The following SIRPD variants were observed in gnomAD, a reference collection of about 807,000 sequenced individuals.
The protein encoded by SIRPD is signal-regulatory protein delta.
SIRPD carries 21 observed loss-of-function variants against 18.0 expected under a neutral mutation model. That is an observed-to-expected ratio of 1.17 (90% CI 0.83 to 1.68). The LOEUF is 1.68. Ranked by LOEUF, SIRPD falls within the 40% of genes most tolerant of loss-of-function variation. SIRPD has a pLI of 0.00. For missense variants in SIRPD, 295 were observed against 238.4 expected (o/e 1.24, Z -1.56); for synonymous variants, 106 against 92.9 (o/e 1.14, Z -0.81).
In SIRPD at chr20:1,551,874, G is replaced by A. The variant is rs771549698; in HGVS notation, c.238C>T (p.Gln80Ter). 1.2e-6 allele frequency: 2 copies of A among 1,613,962 alleles called. No homozygotes were observed. The highest frequency in any genetic ancestry group is 1.3e-5 in the African/African-American group (1 of 74,892). The change falls in exon 2 of 4, where the codon CAA becomes TAA. Residue 80 changes from glutamine (Q) to a stop codon, truncating the protein, a stop_gained. Coordinates refer to ENST00000381623, the MANE Select transcript of SIRPD (RefSeq NM_178460.3). LOFTEE classifies it high-confidence loss of function. ...TCTTTTACTCTGGGAAAGTTACCTT[G>A]TTTGAAATTGTAGATTAATTTCCGG... Reference protein sequence around the residue: ...PNRKLIYNFKQGNFPRVKEIG... With the variant: ...PNRKLIYNFK
At chr20:1,550,584 T>A (rs1200328361) in intron 2 of SIRPD, among the ~76,000 whole-genome samples, 1 of 152,206 alleles carries the variant, frequency 6.6e-6, no homozygotes, top group Non-Finnish European at 1.5e-5. Flanking sequence ...CTGCCTTGAA[T>A]ACTGTGAGGA....
chr20:1,556,448 A>G (rs1234958278), intron 1 of SIRPD, among the ~76,000 whole-genome samples: 1 of 152,214 alleles, frequency 6.6e-6, no homozygotes, highest in Admixed American at 6.5e-5. Flanking sequence ...GAATATATCT[A>G]AGTTATTAAA....
chr20:1,537,343 A>G lies in SIRPD; in HGVS notation c.422-33T>C. The stretch of plus-strand genomic sequence containing the variant: ...GAGAGGCAAAACTATGTGTTCCATG[A>G]TATAAGAGGAAGTTACTATGATGGG... On this transcript the variant is annotated intron_variant, in intron 2 of 3. Coordinates refer to ENST00000381623, the MANE Select transcript of SIRPD (RefSeq NM_178460.3). 5 of 1,597,542 alleles carry G rather than the reference A, an allele frequency of 3.1e-6. No homozygotes were observed. The South Asian group carries it at 4.4e-5, about 14-fold the overall frequency.
At chr20:1,539,276 A>G (rs1271859514) in intron 2 of SIRPD, among the ~76,000 whole-genome samples, 1 of 152,204 alleles carries the variant, frequency 6.6e-6, no homozygotes, top group African/African-American at 2.4e-5. Flanking sequence ...TTCCTAATAT[A>G]TGAGGATTTT....
chr20:1,548,107 C>T (rs145737272), intron 2 of SIRPD, among the ~76,000 whole-genome samples: 1 of 152,210 alleles, frequency 6.6e-6, no homozygotes, highest in Non-Finnish European at 1.5e-5. Context: ...TTTAGTACAA[C>T]GTTGAGTAGA....
rs554245337 is a variant in SIRPD at position 1,555,494 on chromosome 20, C to T, written c.73+2087G>A. 1.2e-4 allele frequency among the ~76,000 whole-genome samples: 19 copies of T among 152,174 alleles called. No individual in the cohort carries two copies. In the South Asian group the frequency reaches 3.9e-3, roughly 32 times the overall value. On this transcript the variant is annotated intron_variant, in intron 1 of 3. Coordinates refer to ENST00000381623, the MANE Select transcript of SIRPD (RefSeq NM_178460.3). The stretch of plus-strand genomic sequence containing the variant: ...AAGAGTAGATTTTAAATGTTCTTAC[C>T]ACAAAGAAGTGATAAGTATGTGAGG...
intron 2 of SIRPD, 111 bp downstream of exon 2, chr20:1,551,580 G>A (rs1201173486): frequency 3.6e-6 from 3 of 828,204 alleles, no homozygotes; most frequent in East Asian, 2.6e-5. Context: ...TCAAATGTAT[G>A]TTGTACCTTC....
intron 2 of SIRPD, among the ~76,000 whole-genome samples, chr20:1,546,394 T>C (rs1477587503): frequency 1.3e-5 from 2 of 152,260 alleles, no homozygotes; most frequent in Non-Finnish European, 2.9e-5. Context: ...TTTCAAGGTT[T>C]ATCCATGTTG....
rs202190666 is a variant in SIRPD, at chr20:1,557,297, C to CTTTGAT, written c.73+283_73+284insATCAAA. ...AAAATAAAATAAAATAAATTACACC[C>CTTTGAT]TCCAGAGGCTGGAGGGTGAGAGCTG... On this transcript the variant is annotated intron_variant, in intron 1 of 3. Coordinates refer to ENST00000381623, the MANE Select transcript of SIRPD (RefSeq NM_178460.3). Among the ~76,000 whole-genome samples, 1,377 of 152,048 alleles carry CTTTGAT rather than the reference C, an allele frequency of 9.1e-3. 22 individuals carry two copies. Among genetic ancestry groups the CTTTGAT allele is most frequent in the African/African-American group, 0.032 (1,343 of 41,468 alleles).
intron 3 of SIRPD, 140 bp from the exon 4 acceptor site, chr20:1,534,581 A>G (rs913448137): frequency 1.0e-5 from 8 of 778,344 alleles, no homozygotes; most frequent in Non-Finnish European, 1.6e-5. Flanking sequence ...GTGGTGAGGC[A>G]GGCGCTCCCA....
intron 2 of SIRPD, among the ~76,000 whole-genome samples, chr20:1,537,831 G>A (rs1369527174): frequency 6.6e-6 from 1 of 152,190 alleles, no homozygotes; most frequent in Non-Finnish European, 1.5e-5. Flanking sequence ...ATCTTGGGAG[G>A]AGGAGGATAG....
At chr20:1,542,113 G>C (rs2090974655) in intron 2 of SIRPD, among the ~76,000 whole-genome samples, 1 of 152,076 alleles carries the variant, frequency 6.6e-6, no homozygotes, top group Admixed American at 6.6e-5. Context: ...GGATTGTCTT[G>C]GCTATACGAG....
At chr20:1,556,454 TTA>T (rs1491552869) in intron 1 of SIRPD, among the ~76,000 whole-genome samples, 8 of 152,244 alleles carry the variant, frequency 5.3e-5, no homozygotes, top group Non-Finnish European at 1.2e-4. Context: ...ATCTAAGTTA[TTA>T]AAATTTCATG....
At chr20:1,547,431 T>C (rs867116941) in intron 2 of SIRPD, among the ~76,000 whole-genome samples, 3 of 152,274 alleles carry the variant, frequency 2.0e-5, no homozygotes, top group South Asian at 2.1e-4. Context: ...ATTTTATTTA[T>C]TTATTTTTAG....
chr20:1,537,440 A>G, intron 2 of SIRPD, 130 bp from the exon 3 acceptor site: 1 of 1,104,362 alleles, frequency 9.1e-7, no homozygotes, highest in Non-Finnish European at 1.3e-6. Context: ...CAAGCTAATA[A>G]GTTACTGATA....
In SIRPD at chr20:1,536,603, C is replaced by G. The variant is rs73569123; in HGVS notation, c.577+552G>C. Among the ~76,000 whole-genome samples, 1,385 of 152,246 alleles carry G rather than the reference C, an allele frequency of 9.1e-3. 22 individuals carry two copies. The highest frequency in any genetic ancestry group is 0.033 in the African/African-American group (1,351 of 41,538). On this transcript the variant is annotated intron_variant, in intron 3 of 3. Transcript: ENST00000381623. ...GGTTTCTGAGATTCTGGGAGACTTA[C>G]TAGTCTAAAAAGGACCATTTAGCAA...
At chr20:1,554,577 T>C (rs1476594135) in intron 1 of SIRPD, among the ~76,000 whole-genome samples, 1 of 152,136 alleles carries the variant, frequency 6.6e-6, no homozygotes, top group Non-Finnish European at 1.5e-5. Context: ...AATATATGAG[T>C]ATATTTTTAT....
Position 1,551,778 on chromosome 20 carries a change from CATCAGCA to C in SIRPD, c.327_333del (p.Ala110LeufsTer7), listed in dbSNP as rs1162902601. ...AACTTCACGCAGTAATAGGTGCCAG[CATCAGCA>C]AGAGAGATTTCACGGATGCGGGTGG... is the stretch of plus-strand genomic sequence containing the variant. On this transcript the variant is annotated frameshift_variant, in exon 2 of 4. Transcript: ENST00000381623. LOFTEE classifies it high-confidence loss of function. 1.2e-5 allele frequency: 19 copies of C among 1,613,986 alleles called. No individual in the cohort carries two copies. Among genetic ancestry groups the C allele is most frequent in the Non-Finnish European group, 1.5e-5 (18 of 1,179,988 alleles).
At chr20:1,545,570 T>C (rs564470705) in intron 2 of SIRPD, among the ~76,000 whole-genome samples, 19 of 152,340 alleles carry the variant, frequency 1.2e-4, no homozygotes, top group African/African-American at 4.3e-4. Flanking sequence ...CATGCTCTTT[T>C]AGCATGGAGG....
Sources: gnomAD v4.1 joint callset for allele counts (sites outside exome capture counted in the v4.1 genomes callset) on GRCh38, gnomAD v4.1.1 for gene constraint, MANE v1.5 for transcripts, NCBI Gene and HGNC (gene_info 2026-07-23, HGNC 2026-07-21) for gene names.